Variants in CADPS2 observed in about 807,000 individuals in gnomAD.
CADPS2 encodes the protein calcium-dependent secretion activator 2.
A neutral mutation model predicts 172.5 loss-of-function variants in CADPS2; 93 were observed. The ratio of observed to expected loss-of-function variants is 0.54; its 90% CI spans 0.46 to 0.64. The LOEUF is 0.64. Among genes scored for constraint, CADPS2 ranks in the 30% least tolerant of loss-of-function variants. The pLI is 0.00. For missense variants in CADPS2, 1,420 were observed against 1,565.9 expected (o/e 0.91, Z 1.57); for synonymous variants, 546 against 555.2 (o/e 0.98, Z 0.23).
chr7:122,712,110 T>C (rs1046332397), intron 2 of CADPS2, among the ~76,000 whole-genome samples: 10 of 152,172 alleles, frequency 6.6e-5, no homozygotes, highest in African/African-American at 2.2e-4. Context: ...ATTATTTCTA[T>C]AATATCTTGT....
At chr7:122,579,450 AATATATATATATATAT>A (rs3034498) in intron 7 of CADPS2, among the ~76,000 whole-genome samples, 2 of 128,668 alleles carry the variant, frequency 1.6e-5, no homozygotes, top group Admixed American at 8.1e-5. Context: ...AATTGCATCG[AATATATATATATATAT>A]ATATATATAT....
intron 2 of CADPS2, among the ~76,000 whole-genome samples, chr7:122,722,035 C>A (rs138121685): frequency 6.6e-6 from 1 of 152,206 alleles, no homozygotes; most frequent in East Asian, 1.9e-4. Context: ...ATCGATGGGA[C>A]ATATCTCAAA....
chr7:122,702,556 A>G (rs2086322426), intron 2 of CADPS2: 1 of 1,613,524 alleles, frequency 6.2e-7, no homozygotes, highest in Admixed American at 1.7e-5. Flanking sequence ...CCAGAGGAGA[A>G]TGATTCCCGA....
Position 122,835,911 on chromosome 7 carries a change from C to T in CADPS2, c.339+50088G>A, listed in dbSNP as rs561111493. Among the ~76,000 whole-genome samples the T allele has an allele frequency of 3.9e-4, 59 of 152,172 alleles. 1 individual carries two copies. Among genetic ancestry groups the T allele is most frequent in the South Asian group, 2.1e-4 (1 of 4,822 alleles). On this transcript the variant is annotated intron_variant, in intron 1 of 29. Coordinates refer to ENST00000449022, the MANE Select transcript of CADPS2 (RefSeq NM_017954.11). Reference sequence around the variant, plus strand: ...CTAGCAAGGCAGGCCAACATTCAAACTCAGGAAATACAGAGAACGCCACAA... The same window carrying T: ...CTAGCAAGGCAGGCCAACATTCAAATTCAGGAAATACAGAGAACGCCACAA...
intron 6 of CADPS2, among the ~76,000 whole-genome samples, chr7:122,605,727 G>A (rs564670563): frequency 6.6e-6 from 1 of 152,098 alleles, no homozygotes; most frequent in African/African-American, 2.4e-5. Context: ...TAATGCTCAA[G>A]TGATCCAAAA....
chr7:122,585,067 G>T (rs577309251), intron 6 of CADPS2, among the ~76,000 whole-genome samples: 1 of 152,012 alleles, frequency 6.6e-6, no homozygotes, highest in South Asian at 2.1e-4. Context: ...GTGAAATGAA[G>T]AAGGCTTAAA....
intron 3 of CADPS2, among the ~76,000 whole-genome samples, chr7:122,645,240 TAC>T (rs199662352): frequency 2.9e-4 from 1 of 3,450 alleles, no homozygotes; most frequent in African/African-American, 4.6e-4. Context: ...AGTATATATA[TAC>T]ACACATGTAC....
chr7:122,451,617 TATTTGCAGCC>T, intron 14 of CADPS2, 142 bp from the exon 15 acceptor site: 1 of 465,658 alleles, frequency 2.1e-6, no homozygotes, highest in Non-Finnish European at 3.7e-6. Context: ...TTACTGGAAA[TATTTGCAGCC>T]ATTTGCTTTA....
chr7:122,391,621 T>G (rs1249662862), intron 22 of CADPS2, among the ~76,000 whole-genome samples: 1 of 152,056 alleles, frequency 6.6e-6, no homozygotes, highest in African/African-American at 2.4e-5. Context: ...CCAAAAGCAT[T>G]TGCCTGTAAG....
intron 2 of CADPS2, among the ~76,000 whole-genome samples, chr7:122,720,061 T>C (rs1351776378): frequency 6.6e-6 from 1 of 152,074 alleles, no homozygotes; most frequent in Non-Finnish European, 1.5e-5. Context: ...CTCCTAACTT[T>C]GGAGCACTGG....
intron 28 of CADPS2, among the ~76,000 whole-genome samples, chr7:122,327,437 A>T (rs1040391286): frequency 6.6e-6 from 1 of 152,122 alleles, no homozygotes; most frequent in African/African-American, 2.4e-5. Flanking sequence ...GATAGTAAAT[A>T]TTTCTTTCTT....
rs1359788586 is a variant in CADPS2 at position 122,490,250 on chromosome 7, A to G, written c.1683T>C (p.Ala561=). 1 of 1,613,228 alleles carries G rather than the reference A, an allele frequency of 6.2e-7. No individual in the cohort carries two copies. The highest frequency in any genetic ancestry group is 2.2e-5 in the East Asian group (1 of 44,816). ...AGATTACAGTATCTCCTTCTTTAACAGCATTAAAGAACATACAACCACCCT... is the reference window on the plus strand; with the variant it reads ...AGATTACAGTATCTCCTTCTTTAACGGCATTAAAGAACATACAACCACCCT... ...GLQGGCMFFN[A]VKEGDTVIFA... is the part of the protein sequence containing the mutation. Residue 561 remains alanine, a synonymous_variant, in exon 11 of 30, where the codon GCT becomes GCC. Transcript: ENST00000449022.
intron 27 of CADPS2, chr7:122,354,485 A>G (rs781299271): frequency 1.3e-5 from 2 of 152,034 alleles, no homozygotes; most frequent in Non-Finnish European, 2.9e-5. Context: ...AGTACTCCAT[A>G]TTATTGTCAA....
chr7:122,839,999 T>A (rs1809928313), intron 1 of CADPS2, among the ~76,000 whole-genome samples: 1 of 152,218 alleles, frequency 6.6e-6, no homozygotes, highest in African/African-American at 2.4e-5. Flanking sequence ...ATTGCGGCAC[T>A]ATTCACAATA....
chr7:122,743,145 TAAAACATAAATATAATTGC>T (rs1453022179), intron 1 of CADPS2, among the ~76,000 whole-genome samples: 1 of 152,092 alleles, frequency 6.6e-6, no homozygotes, highest in East Asian at 1.9e-4. Context: ...GAAACTTAAC[TAAAACATAAATATAATTGC>T]AAACATCTAA....
chr7:122,623,574 A>T (rs2075807188), intron 4 of CADPS2, among the ~76,000 whole-genome samples: 1 of 152,224 alleles, frequency 6.6e-6, no homozygotes, highest in African/African-American at 2.4e-5. Flanking sequence ...TTGGTGAATA[A>T]TATAACCCAC....
chr7:122,343,202 C>T (rs1005036581), intron 28 of CADPS2, among the ~76,000 whole-genome samples: 5 of 152,060 alleles, frequency 3.3e-5, no homozygotes, highest in African/African-American at 4.8e-5. Context: ...TAAAAATGTG[C>T]AATTTAAAAA....
chr7:122,527,582 T>TAGAGAGAGAGAG (rs35881192), intron 8 of CADPS2, among the ~76,000 whole-genome samples: 75 of 91,654 alleles, frequency 8.2e-4, no homozygotes, highest in East Asian at 1.9e-3. Context: ...TAATACTGAA[T>TAGAGAGAGAGAG]AGAGAGAGAG....
intron 1 of CADPS2, among the ~76,000 whole-genome samples, chr7:122,793,604 A>G (rs1795744926): frequency 6.6e-6 from 1 of 152,134 alleles, no homozygotes; most frequent in South Asian, 2.1e-4. Context: ...GTGTCTTTTA[A>G]TTGGGACATT....
Sources: allele counts gnomAD v4.1 joint callset (sites outside exome capture counted in the v4.1 genomes callset), GRCh38; gene constraint gnomAD v4.1.1; transcripts MANE v1.5; gene names NCBI Gene and HGNC (gene_info 2026-07-23, HGNC 2026-07-21).